Variants in USH2A observed in about 807,000 individuals in gnomAD.
The protein encoded by USH2A is Usher syndrome 2A (autosomal recessive, mild).
Under a neutral mutation model 538.9 loss-of-function variants are expected in USH2A, and 443 were observed. The observed-to-expected ratio is 0.82, with a 90% CI of 0.76 to 0.89. The LOEUF is 0.89. Ranked by LOEUF, USH2A falls within the 40% of genes least tolerant of loss-of-function variation. The pLI, the probability that USH2A is intolerant of heterozygous loss-of-function variation, is 0.00. For synonymous variants in USH2A, 2,413 were observed against 2,273.5 expected (o/e 1.06, Z -1.75); for missense variants, 6,633 against 6,324.8 (o/e 1.05, Z -1.65).
At chr1:216,168,662 G>A (rs530351589) in intron 21 of USH2A, among the ~76,000 whole-genome samples, 74 of 152,230 alleles carry the variant, frequency 4.9e-4, no homozygotes, top group Admixed American at 1.5e-3. Context: ...TAGAAGCCGT[G>A]CAGCCTCCAG....
intron 4 of USH2A, among the ~76,000 whole-genome samples, chr1:216,346,153 T>C (rs1032575318): frequency 6.6e-6 from 1 of 152,088 alleles, no homozygotes; most frequent in Non-Finnish European, 1.5e-5. Context: ...TTTGATAAAG[T>C]TCAAAAGCCA....
intron 55 of USH2A, among the ~76,000 whole-genome samples, chr1:215,772,903 G>C (rs781580741): frequency 7.2e-5 from 11 of 152,270 alleles, no homozygotes; most frequent in Non-Finnish European, 1.2e-4. Context: ...AAAAGTTTTT[G>C]TTTGGTGCTT....
chr1:215,687,270 T>A (rs770756905), intron 61 of USH2A, among the ~76,000 whole-genome samples: 2 of 152,126 alleles, frequency 1.3e-5, no homozygotes, highest in Non-Finnish European at 2.9e-5. Context: ...AATGTTCAGC[T>A]TGGAGGATCC....
chr1:216,017,725 T>G (rs1280124207), intron 32 of USH2A, among the ~76,000 whole-genome samples: 1 of 152,210 alleles, frequency 6.6e-6, no homozygotes, highest in Non-Finnish European at 1.5e-5. Flanking sequence ...TCAGTAATAA[T>G]CATGGCTATA....
At chr1:216,311,792 G>A (rs2037425167) in intron 9 of USH2A, among the ~76,000 whole-genome samples, 1 of 152,050 alleles carries the variant, frequency 6.6e-6, no homozygotes, top group African/African-American at 2.4e-5. Flanking sequence ...CCACTTAAAA[G>A]GTGGCATGAG....
At chr1:216,216,643 T>C (rs1023188171) in intron 15 of USH2A, among the ~76,000 whole-genome samples, 1 of 152,092 alleles carries the variant, frequency 6.6e-6, no homozygotes, top group Admixed American at 6.6e-5. Flanking sequence ...TAAGGATGTA[T>C]GATCTTGAAG....
intron 50 of USH2A, among the ~76,000 whole-genome samples, chr1:215,795,520 T>C (rs1166614977): frequency 6.6e-6 from 1 of 152,168 alleles, no homozygotes; most frequent in Non-Finnish European, 1.5e-5. Flanking sequence ...ATAATACATA[T>C]TTAACAAAGG....
chr1:216,256,158 A>G (rs1446935298), intron 11 of USH2A, among the ~76,000 whole-genome samples: 1 of 152,062 alleles, frequency 6.6e-6, no homozygotes, highest in Non-Finnish European at 1.5e-5. Context: ...AGCAGCATAT[A>G]GTTAAGTTGT....
rs553878626 is a variant in USH2A at position 215,909,833 on chromosome 1, G to A, written c.7301-8928C>T. The stretch of plus-strand genomic sequence containing the variant: ...GAAAGTATTGTTCATAGAGGATTTG[G>A]TGATGGAACAGATGTAGGGATGTAG... On this transcript the variant is annotated intron_variant, in intron 38 of 71. Transcript: ENST00000307340. Among the ~76,000 whole-genome samples the A allele has an allele frequency of 2.0e-4, 31 of 152,016 alleles. 1 individual carries two copies. The South Asian group carries it at 6.4e-3, about 32-fold the overall frequency.
intron 61 of USH2A, among the ~76,000 whole-genome samples, chr1:215,693,678 G>A (rs138760289): frequency 6.6e-6 from 1 of 152,310 alleles, no homozygotes; most frequent in African/African-American, 2.4e-5. Flanking sequence ...AAAGAATACT[G>A]AGACATGTAT....
intron 58 of USH2A, among the ~76,000 whole-genome samples, chr1:215,753,679 G>A (rs1248609922): frequency 6.6e-6 from 1 of 151,736 alleles, no homozygotes; most frequent in African/African-American, 2.4e-5. Flanking sequence ...GGGGAGAGGG[G>A]AGGGATAGCA....
chr1:216,009,318 CCT>C (rs1233261283), intron 32 of USH2A, among the ~76,000 whole-genome samples: 1 of 152,088 alleles, frequency 6.6e-6, no homozygotes, highest in African/African-American at 2.4e-5. Context: ...GAACTTAAAA[CCT>C]CTTCAACTCT....
At chr1:216,327,813 T>A (rs2037765744) in intron 4 of USH2A, among the ~76,000 whole-genome samples, 159 bp from the exon 5 acceptor site, 1 of 152,158 alleles carries the variant, frequency 6.6e-6, no homozygotes, top group Admixed American at 6.6e-5. Context: ...GTTTGCTAAT[T>A]CCACATTAAT....
At chr1:215,625,982 T>G in intron 71 of USH2A, 112 bp from the exon 72 acceptor site, 1 of 1,066,628 alleles carries the variant, frequency 9.4e-7, no homozygotes, top group South Asian at 1.3e-5. Context: ...AAAGGCTTTT[T>G]TATTCTCAAC....
chr1:215,909,390 C>A (rs888529774), intron 38 of USH2A, among the ~76,000 whole-genome samples: 1 of 151,752 alleles, frequency 6.6e-6, no homozygotes, highest in African/African-American at 2.4e-5. Flanking sequence ...TATATATTAG[C>A]CTAAAGCCAT....
At chr1:215,906,106 A>G (rs1193035782) in intron 38 of USH2A, among the ~76,000 whole-genome samples, 1 of 152,076 alleles carries the variant, frequency 6.6e-6, no homozygotes, top group Non-Finnish European at 1.5e-5. Flanking sequence ...ACTAAACCAT[A>G]TGTCATTTAA....
chr1:215,714,902 G>T (rs1011745875), intron 61 of USH2A, among the ~76,000 whole-genome samples: 1 of 152,142 alleles, frequency 6.6e-6, no homozygotes, highest in Non-Finnish European at 1.5e-5. Context: ...GGTCTTTATT[G>T]TAATTCCCAA....
chr1:216,356,734 T>C (rs2038397833), intron 4 of USH2A, among the ~76,000 whole-genome samples: 1 of 152,230 alleles, frequency 6.6e-6, no homozygotes, highest in East Asian at 1.9e-4. Context: ...AGTTTTTAAC[T>C]GATTCCAGTT....
At chr1:216,256,957 T>C (rs1066218) in intron 11 of USH2A, among the ~76,000 whole-genome samples, 10,198 of 151,886 alleles carry the variant, frequency 0.067, 781 homozygotes, top group African/African-American at 0.19. Context: ...TACTTCCTTT[T>C]CCCCCTCTTA....
Sources: gnomAD v4.1 joint callset for allele counts (sites outside exome capture counted in the v4.1 genomes callset) on GRCh38, gnomAD v4.1.1 for gene constraint, MANE v1.5 for transcripts, NCBI Gene and HGNC (gene_info 2026-07-23, HGNC 2026-07-21) for gene names.